PFKFB1: variants seen among roughly 807,000 people sequenced by gnomAD.
PFKFB1 encodes the protein 6-phosphofructo-2-kinase/fructose-2,6-biphosphatase 1.
PFKFB1 carries 34 observed loss-of-function variants against 46.4 expected under a neutral mutation model. That is an observed-to-expected ratio of 0.73 (90% confidence interval 0.56 to 0.98). The LOEUF is 0.98. Among genes scored for constraint, PFKFB1 ranks in the 50% least tolerant of loss-of-function variants. PFKFB1 has a pLI of 0.00. For synonymous variants in PFKFB1, 119 were observed against 133.8 expected (o/e 0.89, Z 0.76); for missense variants, 393 against 376.3 (o/e 1.04, Z -0.37).
intron 2 of PFKFB1, among the ~76,000 whole-genome samples, chrX:54,962,203 T>C (rs1934334956): frequency 9.0e-6 from 1 of 111,624 alleles, no homozygotes; most frequent in Admixed American, 9.5e-5. Flanking sequence ...CCCATGTGCC[T>C]CTACACTCAG....
rs1411864516 is a variant in PFKFB1 at position 54,955,565 on chromosome X, T to C, written c.638+588A>G. Reference sequence around the variant, plus strand: ...AACCCACCTCTTTTGCCCCTATTTATACCCCCTACATATACCACAGCCCAA... The same window carrying C: ...AACCCACCTCTTTTGCCCCTATTTACACCCCCTACATATACCACAGCCCAA... On this transcript the variant is annotated intron_variant, in intron 7 of 13. Coordinates refer to ENST00000375006, the MANE Select transcript of PFKFB1 (RefSeq NM_002625.4). Among the ~76,000 whole-genome samples the C allele has an allele frequency of 2.7e-5, 3 of 111,028 alleles. No individual in the cohort carries two copies. The Admixed American group carries it at 2.9e-4, about 11-fold the overall frequency.
chrX:54,997,273 G>A (rs2146701390), upstream of PFKFB1, among the ~76,000 whole-genome samples: 1 of 111,757 alleles, frequency 8.9e-6, no homozygotes, highest in African/African-American at 3.2e-5. Context: ...TACCTTGAAT[G>A]GGACAGAAAC....
At chrX:54,939,623 A>G (rs1412109648) in intron 10 of PFKFB1, among the ~76,000 whole-genome samples, 3 of 112,274 alleles carry the variant, frequency 2.7e-5, no homozygotes, top group Non-Finnish European at 5.6e-5. Context: ...ACCTCTACGC[A>G]AATAAACTAG....
intron 3 of PFKFB1, 51 bp from the exon 4 acceptor site, chrX:54,959,944 ATT>A (rs1569546948): frequency 1.1e-6 from 1 of 884,124 alleles, no homozygotes; most frequent in African/African-American, 1.9e-5. Flanking sequence ...CCCAGGATGG[ATT>A]TCTCTCTCAT....
At chrX:54,943,462 A>G (rs1431947693) in intron 10 of PFKFB1, among the ~76,000 whole-genome samples, 2 of 112,664 alleles carry the variant, frequency 1.8e-5, no homozygotes, top group Non-Finnish European at 3.8e-5. Flanking sequence ...TTCTAAAGAA[A>G]GATGGAAGGC....
chrX:54,985,109 A>G (rs750174246), intron 1 of PFKFB1, among the ~76,000 whole-genome samples: 3 of 111,176 alleles, frequency 2.7e-5, no homozygotes, highest in Non-Finnish European at 5.7e-5. Context: ...CTCAAGCCCA[A>G]GGATGTTCTC....
intron 7 of PFKFB1, among the ~76,000 whole-genome samples, chrX:54,955,921 T>C (rs745780479): frequency 1.8e-5 from 2 of 112,264 alleles, no homozygotes; most frequent in East Asian, 5.6e-4. Flanking sequence ...CCCAGGGTCC[T>C]GAACTGTTCA....
chrX:54,995,518 T>C (rs1486609599), upstream of PFKFB1, among the ~76,000 whole-genome samples: 1 of 112,302 alleles, frequency 8.9e-6, no homozygotes, highest in Non-Finnish European at 1.9e-5. Flanking sequence ...AGATAGCAGA[T>C]CATGATGGTT....
chrX:54,949,056 T>C lies in PFKFB1; in HGVS notation c.993+19A>G. 2 of 1,207,138 alleles carry C rather than the reference T, an allele frequency of 1.7e-6. No individual in the cohort carries two copies. ...TCAAGTCACCCCCACACACAGGAGATTCACCCCATGCATCTCACCGCATCA... is the reference window on the plus strand; with the variant it reads ...TCAAGTCACCCCCACACACAGGAGACTCACCCCATGCATCTCACCGCATCA... On this transcript the variant is annotated intron_variant, in intron 9 of 13. Coordinates refer to ENST00000375006, the MANE Select transcript of PFKFB1 (RefSeq NM_002625.4).
intron 8 of PFKFB1, among the ~76,000 whole-genome samples, chrX:54,951,308 T>A (rs945834852): frequency 3.6e-5 from 4 of 111,950 alleles, no homozygotes; most frequent in Non-Finnish European, 7.5e-5. Flanking sequence ...GCCCAGGGCA[T>A]GGCAACCTGC....
In PFKFB1 at chrX:54,982,017, T is replaced by A. The variant is rs186107006; in HGVS notation, c.97+11894A>T. On this transcript the variant is annotated intron_variant, in intron 1 of 13. Transcript: ENST00000375006. ...AAACAACTTTACACTTGTAAATTTA[T>A]CTATTTAGAATATATGGATCAATTC... Among the ~76,000 whole-genome samples the A allele has an allele frequency of 5.5e-3, 613 of 111,775 alleles. 9 individuals are homozygous for A. The highest frequency in any genetic ancestry group is 0.052 in the Admixed American group (552 of 10,526).
At chrX:54,966,264 G>A (rs1312032298) in intron 1 of PFKFB1, among the ~76,000 whole-genome samples, 1 of 112,010 alleles carries the variant, frequency 8.9e-6, no homozygotes, top group Non-Finnish European at 1.9e-5. Context: ...AACTCTGAGA[G>A]AATGCATGGA....
chrX:54,933,934 G>T (rs1258914624), intron 12 of PFKFB1, 49 bp from the exon 13 acceptor site: 1 of 1,027,213 alleles, frequency 9.7e-7, no homozygotes, highest in Non-Finnish European at 1.4e-6. Context: ...GGTAGGCACA[G>T]GTCTTCCCTG....
intron 7 of PFKFB1, among the ~76,000 whole-genome samples, chrX:54,953,317 C>A (rs1934042021): frequency 8.9e-6 from 1 of 112,073 alleles, no homozygotes; most frequent in African/African-American, 3.2e-5. Flanking sequence ...GAAAGCCTCT[C>A]CCTAGTTCTT....
At chrX:54,957,609 T>C (rs1388183857) in intron 6 of PFKFB1, among the ~76,000 whole-genome samples, 1 of 111,320 alleles carries the variant, frequency 9.0e-6, no homozygotes, top group Non-Finnish European at 1.9e-5. Flanking sequence ...AAATGACCTA[T>C]TAATAAAAAT....
At chrX:54,937,257 T>C (rs1386592298) in intron 11 of PFKFB1, among the ~76,000 whole-genome samples, 1 of 111,854 alleles carries the variant, frequency 8.9e-6, no homozygotes, top group Non-Finnish European at 1.9e-5. Context: ...ACTGTTAACG[T>C]TGGCTTTGAA....
At chrX:54,950,265 G>A (rs1933931635) in intron 8 of PFKFB1, among the ~76,000 whole-genome samples, 2 of 112,198 alleles carry the variant, frequency 1.8e-5, no homozygotes, top group African/African-American at 6.5e-5. Flanking sequence ...GCCCTTGACA[G>A]GGAGGTATGA....
At chrX:54,994,949 A>T, upstream of PFKFB1, 1 of 511,023 alleles carries the variant, frequency 2.0e-6, no homozygotes, top group Non-Finnish European at 2.4e-6. Context: ...AAGGAGAATG[A>T]CACTGGCATC....
chrX:54,956,330 C>T (rs1235672182), intron 6 of PFKFB1, 56 bp from the exon 7 acceptor site: 4 of 1,191,576 alleles, frequency 3.4e-6, no homozygotes, highest in Non-Finnish European at 4.5e-6. Context: ...AGATGGTTTT[C>T]TTTGGAAGTT....
Sources: allele counts gnomAD v4.1 joint callset (sites outside exome capture counted in the v4.1 genomes callset), GRCh38; gene constraint gnomAD v4.1.1; transcripts MANE v1.5; gene names NCBI Gene and HGNC (gene_info 2026-07-23, HGNC 2026-07-21).